CEP350: variants seen among roughly 807,000 people sequenced by gnomAD.
CEP350 encodes the protein centrosomal protein 350.
A neutral mutation model predicts 331.8 loss-of-function variants in CEP350; 126 were observed. That is an observed-to-expected ratio of 0.38 (90% CI 0.33 to 0.44). The LOEUF (loss-of-function observed/expected upper bound fraction) is 0.44. Among genes scored for constraint, CEP350 ranks in the 20% least tolerant of loss-of-function variants. The probability of loss-of-function intolerance (pLI) is 1.00; values close to 1 mark genes in which losing one functional copy is unlikely to be tolerated. For missense variants in CEP350, 3,406 were observed against 3,634.6 expected, an observed-to-expected ratio of 0.94 and a Z score of 1.62; for synonymous variants, 1,200 against 1,259.5, an observed-to-expected ratio of 0.95 and a Z score of 1.00.
chr1:180,105,032 A>G (rs1222913941), intron 37 of CEP350, among the ~76,000 whole-genome samples: 1 of 152,016 alleles, frequency 6.6e-6, no homozygotes, highest in East Asian at 1.9e-4. Flanking sequence ...CTCCTTTAAT[A>G]TGTCCATTTT....
chr1:180,073,824 C>T (rs1312135066), intron 27 of CEP350: 6 of 1,304,178 alleles, frequency 4.6e-6, no homozygotes, highest in Non-Finnish European at 6.1e-6. Context: ...TCTGTCTTTA[C>T]GTCTCATCAC....
intron 27 of CEP350, among the ~76,000 whole-genome samples, chr1:180,066,600 AAAT>A (rs2149028280): frequency 6.6e-6 from 1 of 152,328 alleles, no homozygotes; most frequent in African/African-American, 2.4e-5. Context: ...TTGATTATGA[AAAT>A]AAGTCTTGAA....
At chr1:179,991,138 T>A (rs1402408692) in intron 4 of CEP350, among the ~76,000 whole-genome samples, 5 of 151,920 alleles carry the variant, frequency 3.3e-5, no homozygotes, top group African/African-American at 4.8e-5. Context: ...TTTTTTTTTT[T>A]AATTCACAGA....
chr1:180,076,777 A>C (rs182921077), intron 28 of CEP350, among the ~76,000 whole-genome samples: 9 of 152,312 alleles, frequency 5.9e-5, no homozygotes, highest in Admixed American at 3.3e-4. Context: ...TGACAGAGTG[A>C]GACTCTGTCT....
Position 180,095,730 on chromosome 1 carries a change from C to G in CEP350, c.8719C>G (p.Gln2907Glu), listed in dbSNP as rs1184686924. ...PLMAEPKRVT[Q>E]QPCETLLAVP... The stretch of plus-strand genomic sequence containing the variant: ...AATGGCAGAACCTAAAAGAGTAACC[C>G]AACAACCATGTGAAACATTATTGGC... The change falls in exon 35 of 38, where the codon CAA (glutamine) becomes GAA (glutamate). Residue 2907 changes from glutamine (Q) to glutamate (E), a missense_variant. By Grantham distance (29) the Gln-to-Glu change is conservative (BLOSUM62 2). This residue lies in a region of CEP350 where 1,415 missense variants were observed against 1,512.3 expected (regional missense o/e 0.94). Transcript: ENST00000367607. 1 of 1,613,894 alleles carries G rather than the reference C, an allele frequency of 6.2e-7. No individual in the cohort carries two copies. Among genetic ancestry groups the G allele is most frequent in the Admixed American group, 1.7e-5 (1 of 60,004 alleles).
rs865788538 is a variant in CEP350 at position 180,042,710 on chromosome 1, C to A, written c.4363-346C>A. Among the ~76,000 whole-genome samples, 24 of 152,258 alleles carry A rather than the reference C, an allele frequency of 1.6e-4. No homozygotes were observed. The Middle Eastern group carries it at 0.01, about 65-fold the overall frequency. On this transcript the variant is annotated intron_variant, in intron 19 of 37. Transcript: ENST00000367607. The stretch of plus-strand genomic sequence containing the variant: ...GGGAAAATGTACTTGACCTGTTGGT[C>A]AGCAAAGAGTTAGAAAAGAAGTAGT...
At chr1:180,022,061 A>C (rs1183990528) in intron 12 of CEP350, among the ~76,000 whole-genome samples, 1 of 152,138 alleles carries the variant, frequency 6.6e-6, no homozygotes. Context: ...TGTTCCTCTT[A>C]TGCTCAACTG....
intron 8 of CEP350, among the ~76,000 whole-genome samples, chr1:180,008,088 A>G (rs1047487795): frequency 6.6e-6 from 1 of 152,132 alleles, no homozygotes; most frequent in African/African-American, 2.4e-5. Flanking sequence ...ACTTTTCTAT[A>G]CAAGGGGATT....
chr1:179,999,141 A>T (rs1653689660), intron 6 of CEP350, among the ~76,000 whole-genome samples: 1 of 152,124 alleles, frequency 6.6e-6, no homozygotes, highest in South Asian at 2.1e-4. Context: ...TACATATTTA[A>T]GTTTTGTTCT....
In CEP350 at chr1:180,020,215, G is replaced by T; in HGVS notation, c.2441G>T (p.Ser814Ile). The change falls in exon 12 of 38, where the codon AGT becomes ATT. Residue 814 changes from serine to isoleucine, a missense_variant. Transcript: ENST00000367607. ...AAYTDALLKP[S>I]ASQYKSKLDR... ...TATACAGATGCCTTGTTAAAACCTA[G>T]TGCCAGCCAATATAAGAGTAAACTG... 1 of 1,614,018 alleles carries T rather than the reference G, an allele frequency of 6.2e-7. No individual in the cohort carries two copies. The highest frequency in any genetic ancestry group is 1.7e-5 in the Admixed American group (1 of 60,022).
In CEP350 at chr1:180,094,362, T is replaced by C; in HGVS notation, c.8257T>C (p.Leu2753=). Reference sequence around the variant, plus strand: ...AAAACAACAACTGGAAAAAATCAGCTTACTGACAGACAGTTTACTAAAAGT... The same window carrying C: ...AAAACAACAACTGGAAAAAATCAGCCTACTGACAGACAGTTTACTAAAAGT... ...KSKQQLEKIS[L]LTDSLLKVFV... The change falls in exon 34 of 38, where the codon TTA becomes CTA. Residue 2753 remains leucine (L), a synonymous_variant. Coordinates refer to ENST00000367607, the MANE Select transcript of CEP350 (RefSeq NM_014810.5). 6.2e-7 allele frequency: 1 copy of C among 1,613,900 alleles called. No individual in the cohort carries two copies. Among genetic ancestry groups the C allele is most frequent in the Non-Finnish European group, 8.5e-7 (1 of 1,179,856 alleles).
chr1:179,971,601 C>T (rs2148597184), intron 1 of CEP350, among the ~76,000 whole-genome samples: 1 of 152,276 alleles, frequency 6.6e-6, no homozygotes, highest in East Asian at 1.9e-4. Context: ...GCTGGGATTA[C>T]AGGTGTGACC....
rs902616410 is a variant in CEP350, at chr1:180,020,293, A to G, written c.2519A>G (p.Glu840Gly). The G allele has an allele frequency of 6.2e-7, 1 of 1,614,048 alleles. No individual in the cohort carries two copies. The change falls in exon 12 of 38, where the codon GAA becomes GGA. Residue 840 changes from glutamate to glycine, a missense_variant. Transcript: ENST00000367607. ...ATAASLSSRIESEAKKLAGAS... is the reference protein window; with the variant it reads ...ATAASLSSRIGSEAKKLAGAS... Reference sequence around the variant, plus strand: ...GCTGCTTCTTTGTCCAGCAGAATTGAAAGTGAAGCCAAGAAATTAGCTGGG... The same window carrying G: ...GCTGCTTCTTTGTCCAGCAGAATTGGAAGTGAAGCCAAGAAATTAGCTGGG...
At position 180,080,743 on chromosome 1, in the gene CEP350, C is replaced by T. The variant is rs149517461; in HGVS notation, c.6124+82C>T. ...AAAAGGCTTCAAGGAGTTTGTTGAC[C>T]TTAGGAAGCATATGTAGACAGACAG... On this transcript the variant is annotated intron_variant, in intron 30 of 37. Transcript: ENST00000367607. The T allele has an allele frequency of 1.7e-5, 21 of 1,200,152 alleles. No homozygotes were observed. The Admixed American group carries it at 2.8e-4, about 16-fold the overall frequency. The allele number at this position is 1,200,152 out of a possible 1,614,324, so 74.3% of individuals were successfully genotyped here. A position where few individuals can be genotyped will look rare whatever the true frequency, so the allele number is the denominator to read the frequency against.
chr1:180,102,905 C>T (rs748571033), intron 37 of CEP350, among the ~76,000 whole-genome samples: 3 of 152,122 alleles, frequency 2.0e-5, no homozygotes, highest in Non-Finnish European at 2.9e-5. Context: ...TTCGTCGTCT[C>T]GAGCTGAGAA....
At chr1:180,073,993 CTCTT>C (rs1659057664) in intron 27 of CEP350, 1 of 1,201,164 alleles carries the variant, frequency 8.3e-7, no homozygotes, top group South Asian at 1.4e-5. Context: ...CTCTCTCTCT[CTCTT>C]TTTTTTTAAT....
chr1:180,056,465 T>TCCCCC (rs58710356), intron 25 of CEP350, among the ~76,000 whole-genome samples: 3 of 34,262 alleles, frequency 8.8e-5, no homozygotes, highest in Admixed American at 4.1e-4. Context: ...CTTCTGCCCC[T>TCCCCC]CCCCCCCCCC....
Position 180,053,213 on chromosome 1 carries a change from T to A in CEP350, c.4989+47T>A, listed in dbSNP as rs1186056602. ...GAGGTAAATGGTTGTGGATATGTTC[T>A]CTCAAAGATATGAGAAAACATTTTG... On this transcript the variant is annotated intron_variant, in intron 23 of 37. Coordinates refer to ENST00000367607, the MANE Select transcript of CEP350 (RefSeq NM_014810.5). 1.1e-5 allele frequency: 10 copies of A among 947,384 alleles called. No homozygotes were observed. The African/African-American group carries it at 1.2e-4, about 11-fold the overall frequency. The allele number at this position is 947,384 out of a possible 1,614,324, so 58.7% of individuals were successfully genotyped here.
chr1:180,045,799 A>G (rs1657079335), intron 21 of CEP350, among the ~76,000 whole-genome samples: 1 of 152,232 alleles, frequency 6.6e-6, no homozygotes, highest in Non-Finnish European at 1.5e-5. Flanking sequence ...ATCCCTCAGA[A>G]TATTCAAATT....
Sources: gnomAD v4.1 joint callset for allele counts (sites outside exome capture counted in the v4.1 genomes callset) on GRCh38, gnomAD v4.1.1 for gene constraint, gnomAD v4.1.1 regional missense constraint, MANE v1.5 for transcripts, NCBI Gene and HGNC (gene_info 2026-07-23, HGNC 2026-07-21) for gene names.